Variants in KCNIP4 observed in about 807,000 individuals in gnomAD.
The protein encoded by KCNIP4 is potassium voltage-gated channel interacting protein 4, also known as Kv channel-interacting protein 4.
KCNIP4 carries 12 observed loss-of-function variants against 34.0 expected under a neutral mutation model. The observed-to-expected ratio is 0.35, with a 90% CI of 0.23 to 0.57. The LOEUF (loss-of-function observed/expected upper bound fraction) is 0.57. Among genes scored for constraint, KCNIP4 ranks in the 20% least tolerant of loss-of-function variants. The pLI is 0.83. For synonymous variants in KCNIP4, 124 were observed against 102.2 expected (o/e 1.21, Z -1.29); for missense variants, 238 against 311.7 (o/e 0.76, Z 1.78).
intron 1 of KCNIP4, among the ~76,000 whole-genome samples, chr4:20,919,520 G>A (rs1475376054): frequency 6.6e-6 from 1 of 151,774 alleles, no homozygotes; most frequent in Non-Finnish European, 1.5e-5. Flanking sequence ...TGGCTAACAT[G>A]GTGAAACCCC....
intron 1 of KCNIP4, among the ~76,000 whole-genome samples, chr4:21,669,135 C>T (rs1391364012): frequency 1.4e-5 from 2 of 146,634 alleles, no homozygotes; most frequent in Non-Finnish European, 3.0e-5. Flanking sequence ...CTCCCTCCCT[C>T]CCTTCCTTCC....
intron 1 of KCNIP4, among the ~76,000 whole-genome samples, chr4:21,144,979 GA>G (rs5856605): frequency 0.46 from 68,980 of 148,546 alleles, 15,875 homozygotes; most frequent in African/African-American, 0.52. Flanking sequence ...CATCTTTAGG[GA>G]AAAAAAAAAA....
chr4:21,920,371 GT>G (rs1289204258), intron 1 of KCNIP4, among the ~76,000 whole-genome samples: 1 of 152,096 alleles, frequency 6.6e-6, no homozygotes, highest in Non-Finnish European at 1.5e-5. Context: ...AATTACAACT[GT>G]TTACACAGAA....
chr4:20,732,907 T>A, intron 6 of KCNIP4, 122 bp from the exon 7 acceptor site: 1 of 618,864 alleles, frequency 1.6e-6, no homozygotes, highest in Non-Finnish European at 2.8e-6. Flanking sequence ...TTGGATTCTT[T>A]GTTAGACGAC....
chr4:20,873,732 C>T (rs1275376013), intron 2 of KCNIP4, among the ~76,000 whole-genome samples: 1 of 152,194 alleles, frequency 6.6e-6, no homozygotes, highest in African/African-American at 2.4e-5. Flanking sequence ...AAAAATCACT[C>T]CTCAACTTAA....
chr4:21,265,882 C>A (rs1463530744), intron 1 of KCNIP4, among the ~76,000 whole-genome samples: 2 of 152,180 alleles, frequency 1.3e-5, no homozygotes, highest in African/African-American at 4.8e-5. Flanking sequence ...AGGAACTTTG[C>A]AAAGTGTCTA....
At chr4:21,292,514 C>T (rs1763588643) in intron 1 of KCNIP4, among the ~76,000 whole-genome samples, 1 of 152,116 alleles carries the variant, frequency 6.6e-6, no homozygotes, top group South Asian at 2.1e-4. Flanking sequence ...TTATCTAAGT[C>T]AGGAAGAGTG....
intron 2 of KCNIP4, among the ~76,000 whole-genome samples, chr4:20,858,189 C>A (rs570254580): frequency 1.8e-5 from 2 of 113,770 alleles, no homozygotes; most frequent in Admixed American, 1.3e-4. Flanking sequence ...CCAGCTTGGG[C>A]AATGAGAGTG....
chr4:20,981,205 T>G (rs1221955362), intron 1 of KCNIP4, among the ~76,000 whole-genome samples: 1 of 152,196 alleles, frequency 6.6e-6, no homozygotes, highest in Admixed American at 6.5e-5. Context: ...AGATCTTAGA[T>G]GTCTGACAGG....
At chr4:21,034,476 A>G (rs2149768908) in intron 1 of KCNIP4, among the ~76,000 whole-genome samples, 1 of 152,234 alleles carries the variant, frequency 6.6e-6, no homozygotes, top group African/African-American at 2.4e-5. Flanking sequence ...AATGGTCTTT[A>G]GCTTCAGCCA....
chr4:21,777,224 A>G (rs1017561987), intron 1 of KCNIP4, among the ~76,000 whole-genome samples: 1 of 152,226 alleles, frequency 6.6e-6, no homozygotes, highest in Admixed American at 6.5e-5. Context: ...TTGTGAGTCA[A>G]TTAAACCTCT....
In KCNIP4 at chr4:21,028,299, G is replaced by C. The variant is rs183156972; in HGVS notation, c.62-145590C>G. 1.2e-4 allele frequency among the ~76,000 whole-genome samples: 19 copies of C among 152,256 alleles called. No individual in the cohort carries two copies. The East Asian group carries it at 3.7e-3, about 29-fold the overall frequency. On this transcript the variant is annotated intron_variant, in intron 1 of 8. Coordinates refer to ENST00000382152, the MANE Select transcript of KCNIP4 (RefSeq NM_025221.6). ...ACTGTAGTCTATTTTCAAAGAAGTA[G>C]AGTGAACCTTTTAAAATAGAAGTCA...
intron 1 of KCNIP4, among the ~76,000 whole-genome samples, chr4:21,315,744 T>A (rs967804325): frequency 6.6e-6 from 1 of 152,200 alleles, no homozygotes; most frequent in African/African-American, 2.4e-5. Flanking sequence ...ACTCAACACA[T>A]GACTGTCACA....
intron 1 of KCNIP4, among the ~76,000 whole-genome samples, chr4:21,309,317 A>G (rs1201956705): frequency 6.6e-6 from 1 of 152,120 alleles, no homozygotes; most frequent in Non-Finnish European, 1.5e-5. Context: ...CTGATTGTTC[A>G]TCTTTCATTC....
chr4:21,732,739 G>A (rs1420523554), intron 1 of KCNIP4, among the ~76,000 whole-genome samples: 2 of 152,114 alleles, frequency 1.3e-5, no homozygotes, highest in East Asian at 3.9e-4. Flanking sequence ...GTGGCATCAG[G>A]GGAAGGAGAA....
chr4:20,757,314 ATCT>A (rs1754563310), intron 4 of KCNIP4, among the ~76,000 whole-genome samples: 1 of 152,122 alleles, frequency 6.6e-6, no homozygotes, highest in African/African-American at 2.4e-5. Flanking sequence ...TACAGCAGTA[ATCT>A]TCTAATTAGT....
intron 1 of KCNIP4, among the ~76,000 whole-genome samples, chr4:21,171,879 T>C (rs1471357487): frequency 2.6e-5 from 4 of 152,170 alleles, no homozygotes; most frequent in African/African-American, 9.7e-5. Flanking sequence ...TATAAATACT[T>C]GTCTCAGCTC....
At position 21,108,386 on chromosome 4, in the gene KCNIP4, G is replaced by T. The variant is rs149766932; in HGVS notation, c.62-225677C>A. ...CTGATACCCTTTCTTCCAGTTGATC[G>T]CATCGGCTCCTGAGGCTTCTGCATT... On this transcript the variant is annotated intron_variant, in intron 1 of 8. Coordinates refer to ENST00000382152, the MANE Select transcript of KCNIP4 (RefSeq NM_025221.6). Among the ~76,000 whole-genome samples, 139 of 150,850 alleles carry T rather than the reference G, an allele frequency of 9.2e-4. 7 individuals carry two copies. Among genetic ancestry groups the T allele is most frequent in the African/African-American group, 3.1e-3 (124 of 40,444 alleles).
intron 1 of KCNIP4, among the ~76,000 whole-genome samples, chr4:21,863,200 C>T (rs1215566312): frequency 6.6e-6 from 1 of 150,594 alleles, no homozygotes; most frequent in Non-Finnish European, 1.5e-5. Flanking sequence ...CAGGTAATTC[C>T]TAGGCAGCTT....
Sources: gnomAD v4.1 joint callset for allele counts (sites outside exome capture counted in the v4.1 genomes callset) on GRCh38, gnomAD v4.1.1 for gene constraint, MANE v1.5 for transcripts, NCBI Gene and HGNC (gene_info 2026-07-23, HGNC 2026-07-21) for gene names.